The following RYR3 variants were observed in gnomAD, a reference collection of about 807,000 sequenced individuals.
RYR3 encodes the protein ryanodine receptor 3, also known as brain ryanodine receptor-calcium release channel.
RYR3 carries 207 observed loss-of-function variants against 584.3 expected under a neutral mutation model. The observed-to-expected ratio is 0.35, with a 90% CI of 0.32 to 0.40. The LOEUF (loss-of-function observed/expected upper bound fraction) is 0.40, where lower values mean the gene tolerates loss of function less well. Ranked by LOEUF, RYR3 falls within the 10% of genes least tolerant of loss-of-function variation. RYR3 has a pLI of 1.00. For missense variants in RYR3, 5,616 were observed against 6,089.2 expected, an observed-to-expected ratio of 0.92 and a Z score of 2.59; for synonymous variants, 2,416 against 2,248.5, an observed-to-expected ratio of 1.07 and a Z score of -2.11.
chr15:33,352,523 C>T (rs928255625), intron 1 of RYR3, among the ~76,000 whole-genome samples: 11 of 152,264 alleles, frequency 7.2e-5, no homozygotes, highest in East Asian at 3.9e-4. Context: ...GTTGACTTAA[C>T]GAGATAGAAG....
intron 20 of RYR3, among the ~76,000 whole-genome samples, chr15:33,624,634 G>T (rs1455511826): frequency 2.0e-5 from 3 of 152,174 alleles, no homozygotes; most frequent in African/African-American, 7.2e-5. Flanking sequence ...AAAAGGGAGA[G>T]AAATGGAATA....
At chr15:33,374,053 T>C (rs1020828189) in intron 1 of RYR3, among the ~76,000 whole-genome samples, 31 of 152,156 alleles carry the variant, frequency 2.0e-4, no homozygotes, top group African/African-American at 7.2e-4. Context: ...AATTGGCTGG[T>C]TTTAATTTGA....
chr15:33,454,620 C>A (rs1423341992), intron 1 of RYR3, among the ~76,000 whole-genome samples: 1 of 152,146 alleles, frequency 6.6e-6, no homozygotes, highest in African/African-American at 2.4e-5. Context: ...AATGTAGTCC[C>A]AGAAGTATGC....
At chr15:33,355,843 C>G (rs1315725143) in intron 1 of RYR3, among the ~76,000 whole-genome samples, 1 of 152,154 alleles carries the variant, frequency 6.6e-6, no homozygotes, top group Non-Finnish European at 1.5e-5. Context: ...CCTATACTCC[C>G]TAGGTTCCCG....
At chr15:33,408,259 G>C (rs1217263529) in intron 1 of RYR3, among the ~76,000 whole-genome samples, 2 of 152,148 alleles carry the variant, frequency 1.3e-5, no homozygotes, top group African/African-American at 2.4e-5. Flanking sequence ...CATGTATTCA[G>C]TTTTCTGTTT....
intron 20 of RYR3, among the ~76,000 whole-genome samples, chr15:33,625,423 G>T (rs2060936060): frequency 6.6e-6 from 1 of 152,194 alleles, no homozygotes; most frequent in South Asian, 2.1e-4. Context: ...AATGTTGATA[G>T]GAAATTGAGA....
intron 69 of RYR3, among the ~76,000 whole-genome samples, chr15:33,805,681 G>A (rs1346258244): frequency 5.9e-5 from 9 of 151,632 alleles, no homozygotes; most frequent in Non-Finnish European, 1.5e-5. Flanking sequence ...GTTTCACTGT[G>A]TTAGCCAGGA....
In RYR3 at chr15:33,812,865, T is replaced by C. The variant is rs745763728; in HGVS notation, c.10260T>C (p.Ser3420=). The change falls in exon 73 of 104, where the codon TCT becomes TCC. Residue 3420 remains serine, a splice_region_variant and synonymous_variant. Transcript: ENST00000634891. ...LRNNLHLQEK[S]DDPAVKWQLN... ...TATGAGTATGCTTCAATTTTCAGTC[T>C]GATGACCCAGCTGTAAAATGGCAAC... 9 of 1,613,666 alleles carry C rather than the reference T, an allele frequency of 5.6e-6. No individual in the cohort carries two copies. Among genetic ancestry groups the C allele is most frequent in the Middle Eastern group, 3.3e-4 (2 of 6,084 alleles).
rs763417328 is a variant in RYR3 at position 33,628,568 on chromosome 15, T to A, written c.2672T>A (p.Phe891Tyr). ...GMNKIELGWTFGKIRDDNKRQ... is the reference protein window; with the variant it reads ...GMNKIELGWTYGKIRDDNKRQ... ...AATAAAATAGAACTTGGCTGGACTT[T>A]CGGCAAGGTATGTGTCTCAGGGCCA... Residue 891 changes from phenylalanine (F) to tyrosine (Y), a missense_variant, in exon 21 of 104, where the codon TTC (phenylalanine) becomes TAC (tyrosine). Transcript: ENST00000634891. The A allele has an allele frequency of 1.2e-6, 2 of 1,609,302 alleles. No individual in the cohort carries two copies. Among genetic ancestry groups the A allele is most frequent in the Non-Finnish European group, 1.7e-6 (2 of 1,175,690 alleles).
At position 33,503,481 on chromosome 15, in the gene RYR3, C is replaced by T. The variant is rs117498483; in HGVS notation, c.172-150C>T. On this transcript the variant is annotated intron_variant, in intron 2 of 103. Coordinates refer to ENST00000634891, the MANE Select transcript of RYR3 (RefSeq NM_001036.6). ...CTTTAGAAACCAGCTTAAAACCCAT[C>T]TTGAACAGGAGAAAGCCACCTTTTT... The T allele has an allele frequency of 9.5e-4, 565 of 595,364 alleles. 4 individuals carry two copies. The highest frequency in any genetic ancestry group is 9.0e-3 in the African/African-American group (485 of 53,858). 36.9% of individuals were successfully genotyped at this position (595,364 alleles called of 1,614,324 possible). A position where few individuals can be genotyped will look rare whatever the true frequency, so the allele number is the denominator to read the frequency against.
chr15:33,686,214 A>G (rs2064998834), intron 38 of RYR3, among the ~76,000 whole-genome samples: 1 of 152,220 alleles, frequency 6.6e-6, no homozygotes, highest in African/African-American at 2.4e-5. Flanking sequence ...AGAATCAAAT[A>G]GACGCAATAA....
chr15:33,522,337 G>A (rs117684931), intron 3 of RYR3, among the ~76,000 whole-genome samples: 3,875 of 152,220 alleles, frequency 0.025, 62 homozygotes, highest in Non-Finnish European at 0.04. Flanking sequence ...GATGCCAGGG[G>A]TGTCGCCCCC....
intron 19 of RYR3, among the ~76,000 whole-genome samples, chr15:33,618,990 C>T (rs958072072): frequency 6.6e-6 from 1 of 152,122 alleles, no homozygotes; most frequent in Admixed American, 6.5e-5. Flanking sequence ...TATAATTTGT[C>T]CTGTGTTTTC....
intron 1 of RYR3, among the ~76,000 whole-genome samples, chr15:33,437,113 ATAGAGTGTGTGTGTGTGTGT>A (rs1315668241): frequency 1.6e-5 from 2 of 128,120 alleles, no homozygotes; most frequent in Non-Finnish European, 3.2e-5. Context: ...AGAGAGAGAG[ATAGAGTGTGTGTGTGTGTGT>A]GTGTGTGTGT....
intron 1 of RYR3, among the ~76,000 whole-genome samples, chr15:33,444,682 C>T (rs1204354013): frequency 1.3e-5 from 2 of 152,144 alleles, no homozygotes; most frequent in South Asian, 2.1e-4. Flanking sequence ...GAGGCTTAGA[C>T]CTGAGCGGTG....
chr15:33,613,671 C>T (rs936931138), intron 19 of RYR3, among the ~76,000 whole-genome samples: 5 of 152,182 alleles, frequency 3.3e-5, no homozygotes, highest in Non-Finnish European at 7.3e-5. Flanking sequence ...AGAAAAACTT[C>T]AAAGACAATA....
chr15:33,622,047 C>T (rs534815254), intron 19 of RYR3, among the ~76,000 whole-genome samples: 9 of 152,300 alleles, frequency 5.9e-5, no homozygotes, highest in Admixed American at 1.3e-4. Context: ...GAAGTGGCTG[C>T]TTGGATCACC....
At chr15:33,746,642 T>C (rs2070742198) in intron 53 of RYR3, among the ~76,000 whole-genome samples, 1 of 151,264 alleles carries the variant, frequency 6.6e-6, no homozygotes, top group African/African-American at 2.4e-5. Flanking sequence ...CTACTGAAAA[T>C]ACAAAGATTA....
At chr15:33,827,108 T>A in intron 84 of RYR3, 91 bp from the exon 85 acceptor site, 1 of 1,061,542 alleles carries the variant, frequency 9.4e-7, no homozygotes. Context: ...CCTTTTCACA[T>A]AGAATGTCTT....
Sources: gnomAD v4.1 joint callset for allele counts (sites outside exome capture counted in the v4.1 genomes callset) on GRCh38, gnomAD v4.1.1 for gene constraint, MANE v1.5 for transcripts, NCBI Gene and HGNC (gene_info 2026-07-23, HGNC 2026-07-21) for gene names.